NUCB2: variants seen among roughly 807,000 people sequenced by gnomAD.
NUCB2 encodes the protein nucleobindin-2.
Under a neutral mutation model 57.9 loss-of-function variants are expected in NUCB2, and 48 were observed. The ratio of observed to expected loss-of-function variants is 0.83; its 90% CI spans 0.66 to 1.05. NUCB2 has a LOEUF of 1.05. NUCB2 is among the 50% of genes least tolerant of loss of function. The probability of loss-of-function intolerance (pLI) is 0.00; values close to 1 mark genes in which losing one functional copy is unlikely to be tolerated. For synonymous variants in NUCB2, 139 were observed against 152.1 expected (o/e 0.91, Z 0.64); for missense variants, 442 against 476.2 (o/e 0.93, Z 0.67).
At chr11:17,285,153 C>T (rs183888109) in intron 2 of NUCB2, among the ~76,000 whole-genome samples, 53 of 152,214 alleles carry the variant, frequency 3.5e-4, no homozygotes, top group South Asian at 6.2e-4. Context: ...AGAGGCTGGG[C>T]GCGGTGGCTC....
intron 6 of NUCB2, 34 bp downstream of exon 6, chr11:17,309,709 G>T (rs749255812): frequency 2.2e-6 from 3 of 1,337,628 alleles, no homozygotes; most frequent in African/African-American, 3.0e-5. Context: ...TGTCTTTATT[G>T]TGCCTTTGAG....
intron 1 of NUCB2, among the ~76,000 whole-genome samples, chr11:17,279,054 G>A (rs1053135180): frequency 6.6e-5 from 10 of 152,118 alleles, no homozygotes; most frequent in Non-Finnish European, 7.4e-5. Flanking sequence ...TTAGCCAGAC[G>A]TAGTGGCGGG....
chr11:17,349,463 T>C (rs1335456690), exon 3 of NUCB2: 2 of 152,160 alleles, frequency 1.3e-5, no homozygotes, highest in Non-Finnish European at 2.9e-5. Context: ...GTGCAAGATG[T>C]CTCCTCAAGC....
rs1411052852 is a variant in NUCB2 at position 17,332,039 on chromosome 11, T to A, written c.*620T>A. 2.0e-5 allele frequency: 3 copies of A among 152,124 alleles called. No individual in the cohort carries two copies. Among genetic ancestry groups the A allele is most frequent in the Non-Finnish European group, 4.4e-5 (3 of 68,026 alleles). The allele number at this position is 152,124 out of a possible 1,614,324, so 9.4% of individuals were successfully genotyped here. A position where few individuals can be genotyped will look rare whatever the true frequency, so the allele number is the denominator to read the frequency against. On this transcript the variant is annotated 3_prime_UTR_variant, in exon 14 of 14. Transcript: ENST00000529010. ...TCATTTAAGATTAGGTTATGTTACA[T>A]ATAACAGAAAAAACAAAGATAACAG...
At chr11:17,289,141 AG>A (rs1252485872) in intron 2 of NUCB2, among the ~76,000 whole-genome samples, 4 of 151,638 alleles carry the variant, frequency 2.6e-5, no homozygotes, top group Non-Finnish European at 4.4e-5. Context: ...TATTTTTAGT[AG>A]AGACAGGGTT....
chr11:17,294,098 A>G (rs897512250), intron 2 of NUCB2, among the ~76,000 whole-genome samples: 4 of 152,258 alleles, frequency 2.6e-5, no homozygotes, highest in Admixed American at 6.5e-5. Flanking sequence ...GACAAGAAGC[A>G]TGAATGAATA....
intron 11 of NUCB2, among the ~76,000 whole-genome samples, chr11:17,326,054 G>A (rs2139350316): frequency 6.6e-6 from 1 of 151,338 alleles, no homozygotes. Flanking sequence ...AGGCTGGAGT[G>A]CAATGGCAAG....
In NUCB2 at chr11:17,304,128, AAATAAC is replaced by A. The variant is rs1356892165; in HGVS notation, c.379+2260_379+2265del. Among the ~76,000 whole-genome samples the A allele has an allele frequency of 2.6e-5, 4 of 152,188 alleles. No individual in the cohort carries two copies. The South Asian group carries it at 6.2e-4, about 24-fold the overall frequency. On this transcript the variant is annotated intron_variant, in intron 5 of 13. Transcript: ENST00000529010. Reference sequence around the variant, plus strand: ...AGTGTTGCCCACTGTAACCACCACTAAATAACATCGCTTTGGAGGTACAAGCCAAAA... The same window carrying A: ...AGTGTTGCCCACTGTAACCACCACTAATCGCTTTGGAGGTACAAGCCAAAA...
At chr11:17,336,234 C>T (rs930759879), downstream of NUCB2, among the ~76,000 whole-genome samples, 5 of 152,064 alleles carry the variant, frequency 3.3e-5, no homozygotes, top group East Asian at 1.9e-4. Flanking sequence ...TGAGCCACCA[C>T]GCCCAGCTTG....
At chr11:17,348,087 T>C (rs1389199522) in intron 2 of NUCB2, among the ~76,000 whole-genome samples, 3 of 152,136 alleles carry the variant, frequency 2.0e-5, no homozygotes, top group Non-Finnish European at 4.4e-5. Flanking sequence ...TGGACACTTA[T>C]TTTTTATTTT....
chr11:17,328,555 A>G (rs1950979558), intron 11 of NUCB2, among the ~76,000 whole-genome samples: 1 of 152,212 alleles, frequency 6.6e-6, no homozygotes, highest in Admixed American at 6.5e-5. Context: ...TTCCACAGGC[A>G]GAGGACCCTC....
intron 2 of NUCB2, among the ~76,000 whole-genome samples, chr11:17,287,947 G>A (rs564503489): frequency 5.7e-4 from 87 of 152,202 alleles, no homozygotes; most frequent in African/African-American, 1.9e-3. Flanking sequence ...GCAGTGATCC[G>A]AGATCGCGGC....
downstream of NUCB2, chr11:17,334,431 C>T (rs1235885757): frequency 1.3e-5 from 2 of 152,256 alleles, no homozygotes; most frequent in African/African-American, 2.4e-5. Flanking sequence ...ATAGATACAT[C>T]TCTTCCTGCC....
intron 11 of NUCB2, among the ~76,000 whole-genome samples, chr11:17,328,770 CA>C (rs1446903196): frequency 6.6e-6 from 1 of 152,168 alleles, no homozygotes; most frequent in African/African-American, 2.4e-5. Context: ...TCAGGGACTC[CA>C]AAAGACTGCT....
chr11:17,342,744 AT>A (rs1952378523), intron 2 of NUCB2, among the ~76,000 whole-genome samples: 1 of 149,420 alleles, frequency 6.7e-6, no homozygotes, highest in South Asian at 2.1e-4. Flanking sequence ...TATGTGGTCA[AT>A]TTTGGAATAG....
chr11:17,301,215 T>C (rs1225872894), intron 4 of NUCB2, among the ~76,000 whole-genome samples: 8 of 149,558 alleles, frequency 5.3e-5, no homozygotes, highest in Admixed American at 2.0e-4. Flanking sequence ...TCAAGTGATC[T>C]GCCCGCCTTG....
At position 17,331,607 on chromosome 11, in the gene NUCB2, C is replaced by T. The variant is rs569588314; in HGVS notation, c.*188C>T. On this transcript the variant is annotated 3_prime_UTR_variant, in exon 14 of 14. Transcript: ENST00000529010. ...TTAAAGGATTGAAGTTTATCAGAACCAGGAAGAAAACAAACTCACTGTCTG... is the reference window on the plus strand; with the variant it reads ...TTAAAGGATTGAAGTTTATCAGAACTAGGAAGAAAACAAACTCACTGTCTG... The T allele has an allele frequency of 7.2e-5, 29 of 403,696 alleles. 1 individual carries two copies. In the South Asian group the frequency reaches 3.5e-3, roughly 48 times the overall value. The allele number at this position is 403,696 out of a possible 1,614,324, so 25.0% of individuals were successfully genotyped here.
At chr11:17,313,566 A>C (rs1456620033) in intron 10 of NUCB2, among the ~76,000 whole-genome samples, 1 of 152,106 alleles carries the variant, frequency 6.6e-6, no homozygotes, top group Non-Finnish European at 1.5e-5. Flanking sequence ...TTCAGTACTG[A>C]AAAACAAAAA....
intron 5 of NUCB2, among the ~76,000 whole-genome samples, chr11:17,304,885 A>T (rs1388629049): frequency 6.6e-6 from 1 of 152,244 alleles, no homozygotes; most frequent in African/African-American, 2.4e-5. Flanking sequence ...GGAAGACACA[A>T]TAACTTTTTG....
Sources: gnomAD v4.1 joint callset for allele counts (sites outside exome capture counted in the v4.1 genomes callset) on GRCh38, gnomAD v4.1.1 for gene constraint, MANE v1.5 for transcripts, NCBI Gene and HGNC (gene_info 2026-07-23, HGNC 2026-07-21) for gene names.